The following STK32B variants were observed in gnomAD, a reference collection of about 807,000 sequenced individuals.
The protein encoded by STK32B is serine/threonine kinase 32B.
Under a neutral mutation model 52.6 loss-of-function variants are expected in STK32B, and 43 were observed. The observed-to-expected ratio is 0.82, with a 90% CI of 0.64 to 1.05. The LOEUF (loss-of-function observed/expected upper bound fraction) is 1.05, where lower values mean the gene tolerates loss of function less well. STK32B is among the 50% of genes least tolerant of loss of function. The pLI, the probability that STK32B is intolerant of heterozygous loss-of-function variation, is 0.00. For synonymous variants in STK32B, 238 were observed against 204.3 expected (o/e 1.17, Z -1.41); for missense variants, 621 against 534.6 (o/e 1.16, Z -1.59).
the STK32B span, among the ~76,000 whole-genome samples, chr4:5,033,702 C>G: frequency 1.3e-5 from 2 of 152,162 alleles, no homozygotes; most frequent in African/African-American, 4.8e-5. Context: ...CTGCTACTTC[C>G]AGTGCACTCT....
At chr4:5,206,448 G>A (rs889238964) in intron 3 of STK32B, among the ~76,000 whole-genome samples, 1 of 152,120 alleles carries the variant, frequency 6.6e-6, no homozygotes, top group Non-Finnish European at 1.5e-5. Context: ...GTTTATGGCG[G>A]TTATTGCATG....
chr4:5,192,690 A>G (rs1721312899), intron 3 of STK32B, among the ~76,000 whole-genome samples: 1 of 152,050 alleles, frequency 6.6e-6, no homozygotes, highest in Non-Finnish European at 1.5e-5. Context: ...AAGCTGATTA[A>G]CCCATCCACC....
intron 3 of STK32B, among the ~76,000 whole-genome samples, chr4:5,316,706 T>G (rs1249369099): frequency 0.013 from 115 of 8,588 alleles, 21 homozygotes; most frequent in Admixed American, 0.02. Context: ...CATATTATAA[T>G]ATATAATATA....
At chr4:5,275,976 C>T (rs754340816) in intron 3 of STK32B, among the ~76,000 whole-genome samples, 12 of 152,102 alleles carry the variant, frequency 7.9e-5, no homozygotes, top group Non-Finnish European at 1.5e-4. Context: ...AAGATAAGAG[C>T]ACAGCCAGCC....
intron 11 of STK32B, among the ~76,000 whole-genome samples, chr4:5,487,887 T>G (rs1719368770): frequency 6.6e-6 from 1 of 152,198 alleles, no homozygotes; most frequent in Admixed American, 6.5e-5. Context: ...GGCCCACACA[T>G]GAGGCATGAA....
At chr4:5,252,945 CA>C (rs1726041295) in intron 3 of STK32B, among the ~76,000 whole-genome samples, 1 of 152,088 alleles carries the variant, frequency 6.6e-6, no homozygotes, top group Non-Finnish European at 1.5e-5. Flanking sequence ...CACTGTGCAC[CA>C]TGTCTCCATT....
Position 5,468,034 on chromosome 4 carries a change from C to G in STK32B, c.1070C>G (p.Thr357Ser). 1.2e-6 allele frequency: 2 copies of G among 1,614,144 alleles called. No homozygotes were observed. Among genetic ancestry groups the G allele is most frequent in the Non-Finnish European group, 1.7e-6 (2 of 1,179,994 alleles). ...GGACACCTGCAGCACTGTTTGGAGACTGTCCGGGAGGAATTCATCATATTC... is the reference window on the plus strand; with the variant it reads ...GGACACCTGCAGCACTGTTTGGAGAGTGTCCGGGAGGAATTCATCATATTC... ...LNGHLQHCLE[T>S]VREEFIIFNR... Residue 357 changes from threonine (T) to serine (S), a missense_variant, in exon 11 of 12, where the codon ACT becomes AGT. Transcript: ENST00000282908.
At position 5,469,441 on chromosome 4, in the gene STK32B, C is replaced by G. The variant is rs115318309; in HGVS notation, c.1106+1371C>G. ...GTCCTAAGGGACATGTAGGGGAAAA[C>G]GCGGCATTCCAGGAGTAGGAAAAGT... On this transcript the variant is annotated intron_variant, in intron 11 of 11. Coordinates refer to ENST00000282908, the MANE Select transcript of STK32B (RefSeq NM_018401.3). This position sits in a 1 kb window ranked among gnomAD's most constrained non-coding sequence, Gnocchi z 4.7. Among the ~76,000 whole-genome samples the G allele has an allele frequency of 5.9e-3, 902 of 152,238 alleles. 11 individuals are homozygous for G. Among genetic ancestry groups the G allele is most frequent in the African/African-American group, 0.021 (855 of 41,544 alleles).
chr4:5,496,429 A>G (rs1262682018), intron 11 of STK32B, among the ~76,000 whole-genome samples: 1 of 152,154 alleles, frequency 6.6e-6, no homozygotes, highest in Admixed American at 6.5e-5. Flanking sequence ...CCCTTCGGAA[A>G]AGCGCAGTAT....
chr4:5,440,324 C>T (rs979411088), intron 6 of STK32B, among the ~76,000 whole-genome samples: 9 of 152,128 alleles, frequency 5.9e-5, no homozygotes. Flanking sequence ...CTACACATCC[C>T]TTGTAAGTTG....
chr4:5,338,634 A>G (rs555257946), intron 4 of STK32B, among the ~76,000 whole-genome samples: 27 of 152,322 alleles, frequency 1.8e-4, no homozygotes, highest in African/African-American at 5.8e-4. Context: ...CCAGGGATGA[A>G]CAAGGCAGGA....
At chr4:5,348,112 G>A (rs1212412340) in intron 4 of STK32B, among the ~76,000 whole-genome samples, 1 of 152,140 alleles carries the variant, frequency 6.6e-6, no homozygotes, top group African/African-American at 2.4e-5. Flanking sequence ...CATTTGGCTG[G>A]GATAGGCTGT....
chr4:5,068,199 G>A (rs966812935), intron 1 of STK32B, among the ~76,000 whole-genome samples: 2 of 152,120 alleles, frequency 1.3e-5, no homozygotes, highest in African/African-American at 2.4e-5. Context: ...ATATAATGGT[G>A]AAGTCTGAAA....
At chr4:5,416,411 G>A (rs1428969510) in intron 5 of STK32B, among the ~76,000 whole-genome samples, 2 of 152,046 alleles carry the variant, frequency 1.3e-5, no homozygotes, top group Non-Finnish European at 2.9e-5. Flanking sequence ...ACAGTACTAA[G>A]GTCTCCAATG....
intron 1 of STK32B, among the ~76,000 whole-genome samples, chr4:5,056,849 TC>T (rs1742027131): frequency 1.3e-5 from 2 of 152,324 alleles, no homozygotes; most frequent in South Asian, 4.1e-4. Flanking sequence ...TGAAGAATTT[TC>T]CCAAGGGATA....
intron 1 of STK32B, among the ~76,000 whole-genome samples, chr4:5,080,166 C>T (rs1712330292): frequency 6.6e-6 from 1 of 152,062 alleles, no homozygotes; most frequent in Non-Finnish European, 1.5e-5. Context: ...TCTGTGGCTC[C>T]CTATTACTAT....
chr4:5,343,958 A>G (rs1002854257), intron 4 of STK32B, among the ~76,000 whole-genome samples: 4 of 152,216 alleles, frequency 2.6e-5, no homozygotes, highest in Non-Finnish European at 4.4e-5. Flanking sequence ...CTTTTAATAT[A>G]TAAAGTAGTG....
intron 3 of STK32B, among the ~76,000 whole-genome samples, chr4:5,186,721 T>A (rs1720766989): frequency 6.6e-6 from 1 of 152,134 alleles, no homozygotes. Flanking sequence ...CAGCGCCTCC[T>A]CGACATACCC....
At chr4:5,116,333 C>T (rs1339980431) in intron 1 of STK32B, among the ~76,000 whole-genome samples, 1 of 152,154 alleles carries the variant, frequency 6.6e-6, no homozygotes, top group African/African-American at 2.4e-5. Flanking sequence ...CACCATCTTA[C>T]ACTTTTTAAT....
Sources: gnomAD v4.1 joint callset for allele counts (sites outside exome capture counted in the v4.1 genomes callset) on GRCh38, gnomAD v4.1.1 for gene constraint, Gnocchi (gnomAD v3.1) non-coding constraint, MANE v1.5 for transcripts, NCBI Gene and HGNC (gene_info 2026-07-23, HGNC 2026-07-21) for gene names.